Variants in PLK2 observed in about 807,000 individuals in gnomAD.
The protein encoded by PLK2 is polo like kinase 2.
Under a neutral mutation model 78.1 loss-of-function variants are expected in PLK2, and 25 were observed. The ratio of observed to expected loss-of-function variants is 0.32; its 90% CI spans 0.23 to 0.45. The LOEUF (loss-of-function observed/expected upper bound fraction) is 0.45. PLK2 is among the 20% of genes least tolerant of loss of function. The pLI, the probability that PLK2 is intolerant of heterozygous loss-of-function variation, is 1.00. For synonymous variants in PLK2, 332 were observed against 298.2 expected, an observed-to-expected ratio of 1.11 and a Z score of -1.17; for missense variants, 566 against 840.2, an observed-to-expected ratio of 0.67 and a Z score of 4.04.
intron 4 of PLK2, 75 bp from the exon 5 acceptor site, chr5:58,458,246 G>A: frequency 7.6e-7 from 1 of 1,309,884 alleles, no homozygotes; most frequent in Non-Finnish European, 1.1e-6. Context: ...ATCCACTTTG[G>A]AGCCAGGCAG....
In PLK2 at chr5:58,457,589, A is replaced by G. The variant is rs1236092570; in HGVS notation, c.714-6T>C. 2.0e-6 allele frequency: 3 copies of G among 1,536,312 alleles called. No homozygotes were observed. Among genetic ancestry groups the G allele is most frequent in the Non-Finnish European group, 1.8e-6 (2 of 1,109,308 alleles). ...TTGGGGTACCACATATCGTTCTGGA[A>G]AGACAAAATATTGAGATCGTGTTAG... On this transcript the variant is annotated splice_polypyrimidine_tract_variant and splice_region_variant and intron_variant, in intron 5 of 13. Transcript: ENST00000274289.
At chr5:58,454,797 T>G (rs772560208) in intron 13 of PLK2, 23 bp from the exon 14 acceptor site, 4 of 1,550,428 alleles carry the variant, frequency 2.6e-6, no homozygotes, top group Non-Finnish European at 3.5e-6. Context: ...ACATAGACAT[T>G]AGATCTCTCA....
chr5:58,454,394 A>G lies in PLK2; in HGVS notation c.*189T>C. The G allele has an allele frequency of 2.0e-6, 1 of 488,602 alleles. No individual in the cohort carries two copies. The highest frequency in any genetic ancestry group is 3.0e-5 in the East Asian group (1 of 33,732). The allele number at this position is 488,602 out of a possible 1,614,324, so 30.3% of individuals were successfully genotyped here. A position where few individuals can be genotyped will look rare whatever the true frequency, so the allele number is the denominator to read the frequency against. On this transcript the variant is annotated 3_prime_UTR_variant, in exon 14 of 14. Coordinates refer to ENST00000274289, the MANE Select transcript of PLK2 (RefSeq NM_006622.4). Reference sequence around the variant, plus strand: ...AAACTGCATTCTGGTTCACTCTTGGATTGTCCAAAGTCAAGAACTGTATGC... The same window carrying G: ...AAACTGCATTCTGGTTCACTCTTGGGTTGTCCAAAGTCAAGAACTGTATGC...
chr5:58,455,478 T>C, intron 11 of PLK2, 61 bp downstream of exon 11: 1 of 1,610,912 alleles, frequency 6.2e-7, no homozygotes, highest in Non-Finnish European at 8.5e-7. Flanking sequence ...AATCATTGTT[T>C]TTAGATTTCT....
At chr5:58,458,676 A>C in intron 3 of PLK2, 49 bp downstream of exon 3, 1 of 1,253,732 alleles carries the variant, frequency 8.0e-7, no homozygotes, top group Non-Finnish European at 1.2e-6. Flanking sequence ...TTTGAATACC[A>C]TGTTAATTCG....
intron 9 of PLK2, 163 bp from the exon 10 acceptor site, chr5:58,456,318 C>T (rs1372787640): frequency 2.6e-6 from 2 of 780,120 alleles, no homozygotes; most frequent in South Asian, 1.8e-5. Context: ...CTTGCATGCA[C>T]TGTAAAACTA....
Position 58,458,423 on chromosome 5 carries a change from T to C in PLK2, c.601A>G (p.Ile201Val), listed in dbSNP as rs1167358448. The change falls in exon 4 of 14, where the codon ATC becomes GTC. Residue 201 changes from isoleucine (I) to valine (V), a missense_variant. Ile to Val is a conservative substitution (Grantham distance 29, BLOSUM62 3). Transcript: ENST00000274289. ...CCTAGTTTGAGATCTCTGTGCAAGA[T>C]TTCTTGTTCATGAAGGTATTTCAGT... Reference protein sequence around the residue: ...SGLKYLHEQEILHRDLKLGNF... With the variant: ...SGLKYLHEQEVLHRDLKLGNF... The C allele has an allele frequency of 6.2e-7, 1 of 1,614,086 alleles. No individual in the cohort carries two copies. Among genetic ancestry groups the C allele is most frequent in the Non-Finnish European group, 8.5e-7 (1 of 1,179,920 alleles).
chr5:58,456,804 T>C (rs933189052), intron 8 of PLK2, 141 bp downstream of exon 8: 1 of 647,638 alleles, frequency 1.5e-6, no homozygotes, highest in African/African-American at 1.8e-5. Context: ...AAGGTATGGA[T>C]TTATTATGCT....
chr5:58,455,490 T>C, intron 11 of PLK2, 49 bp downstream of exon 11: 1 of 1,611,708 alleles, frequency 6.2e-7, no homozygotes, highest in African/African-American at 1.3e-5. Flanking sequence ...TAGATTTCTT[T>C]AGTGCAAGAC....
chr5:58,458,687 G>A, intron 3 of PLK2, 38 bp downstream of exon 3: 1 of 1,283,150 alleles, frequency 7.8e-7, no homozygotes, highest in African/African-American at 1.5e-5. Flanking sequence ...TGTTAATTCG[G>A]GGTAAGCAAA....
chr5:58,457,251 C>T lies in PLK2; in HGVS notation c.938G>A (p.Ser313Asn), dbSNP rs1462952719. The T allele has an allele frequency of 6.2e-7, 1 of 1,614,138 alleles. No individual in the cohort carries two copies. Among genetic ancestry groups the T allele is most frequent in the African/African-American group, 1.3e-5 (1 of 75,046 alleles). ...LLAPAKHLIA[S>N]MLSKNPEDRP... Reference sequence around the variant, plus strand: ...ATCCTCTGGGTTTTTGGACAACATACTAGCAATTAAGTGCTTGGCAGGAGC... The same window carrying T: ...ATCCTCTGGGTTTTTGGACAACATATTAGCAATTAAGTGCTTGGCAGGAGC... Residue 313 changes from serine to asparagine, a missense_variant, in exon 7 of 14, where the codon AGT becomes AAT. By Grantham distance (46) the Ser-to-Asn change is conservative. Transcript: ENST00000274289.
At chr5:58,457,691 T>A in intron 5 of PLK2, 108 bp from the exon 6 acceptor site, 1 of 679,412 alleles carries the variant, frequency 1.5e-6, no homozygotes, top group Non-Finnish European at 2.6e-6. Context: ...AATCTTAAAA[T>A]CTATACTGAA....
rs1387972791 is a variant in PLK2, at chr5:58,456,158, T to C, written c.1255-3A>G. The C allele has an allele frequency of 4.4e-6, 7 of 1,607,718 alleles. No homozygotes were observed. Among genetic ancestry groups the C allele is most frequent in the Non-Finnish European group, 5.9e-6 (7 of 1,178,328 alleles). On this transcript the variant is annotated splice_region_variant and splice_polypyrimidine_tract_variant and intron_variant, in intron 9 of 13. Transcript: ENST00000274289. Reference sequence around the variant, plus strand: ...GTGGTGGTAGGTGGCTGGAGCTCCTTAGAAGAGAGAAGATTTATGCAATGA... The same window carrying C: ...GTGGTGGTAGGTGGCTGGAGCTCCTCAGAAGAGAGAAGATTTATGCAATGA...
Position 58,458,908 on chromosome 5 carries a change from T to A in PLK2, c.379-67A>T, listed in dbSNP as rs73094323. ...CCTCGGAAAAGCCAGTGATTACACATGCAGAAGACATTTTCCTAACAGGGA... is the reference window on the plus strand; with the variant it reads ...CCTCGGAAAAGCCAGTGATTACACAAGCAGAAGACATTTTCCTAACAGGGA... On this transcript the variant is annotated intron_variant, in intron 2 of 13. Transcript: ENST00000274289. 1.7e-3 allele frequency: 2,207 copies of A among 1,299,878 alleles called. 31 individuals are homozygous for A. The African/African-American group carries it at 0.029, about 17-fold the overall frequency. The allele number at this position is 1,299,878 out of a possible 1,614,324, so 80.5% of individuals were successfully genotyped here.
intron 13 of PLK2, 64 bp from the exon 14 acceptor site, chr5:58,454,838 A>T: frequency 6.9e-7 from 1 of 1,457,682 alleles, no homozygotes; most frequent in Non-Finnish European, 9.6e-7. Flanking sequence ...AGTTCAGTCA[A>T]TCACTAAACT....
In PLK2 at chr5:58,458,481, T is replaced by C; in HGVS notation, c.543A>G (p.Glu181=). The change falls in exon 4 of 14, where the codon GAA becomes GAG. Residue 181 remains glutamate, a synonymous_variant. Coordinates refer to ENST00000274289, the MANE Select transcript of PLK2 (RefSeq NM_006622.4). ...CAATCTGCCTGAGGTAGTATCGAAC[T>C]TCTGGCTCTGTCAACACCTTTCTTG... ...LKARKVLTEP[E]VRYYLRQIVS... The C allele has an allele frequency of 6.2e-7, 1 of 1,612,516 alleles. No individual in the cohort carries two copies. Among genetic ancestry groups the C allele is most frequent in the South Asian group, 1.1e-5 (1 of 90,990 alleles).
In PLK2 at chr5:58,455,695, T is replaced by C. The variant is rs1432596656; in HGVS notation, c.1469A>G (p.Asp490Gly). 3.1e-6 allele frequency: 5 copies of C among 1,614,180 alleles called. No individual in the cohort carries two copies. Among genetic ancestry groups the C allele is most frequent in the Non-Finnish European group, 4.2e-6 (5 of 1,180,018 alleles). The change falls in exon 11 of 14, where the codon GAT (aspartate) becomes GGT (glycine). Residue 490 changes from aspartate to glycine, a missense_variant. By Grantham distance (94) the Asp-to-Gly change is moderately conservative. This residue lies in a region of PLK2 where 129 missense variants were observed against 156.0 expected (regional missense o/e 0.83). Transcript: ENST00000274289. ...RGCLENMPEA[D>G]CIPKEQLSTS... ...GCTCAGCTGCTCTTTGGGAATGCAA[T>C]CAGCTTCCGGCATGTTTTCCAGACA...
Position 58,454,431 on chromosome 5 carries a change from C to G in PLK2, c.*152G>C, listed in dbSNP as rs578235958. 1.3e-5 allele frequency: 8 copies of G among 604,098 alleles called. No homozygotes were observed. The East Asian group carries it at 1.9e-4, about 15-fold the overall frequency. 37.4% of individuals were successfully genotyped at this position (604,098 alleles called of 1,614,324 possible). On this transcript the variant is annotated 3_prime_UTR_variant, in exon 14 of 14. Coordinates refer to ENST00000274289, the MANE Select transcript of PLK2 (RefSeq NM_006622.4). ...CAAGAACTGTATGCCTTAGCCTGTT[C>G]TGGTTCCAACCAGTCCAGCAGGCCA...
At chr5:58,459,463 C>T (rs1436630158) in intron 1 of PLK2, 1 of 572,590 alleles carries the variant, frequency 1.7e-6, no homozygotes, top group Non-Finnish European at 3.1e-6. Context: ...ATGCATTTCT[C>T]TGGGCTGCGG....
Sources: allele counts gnomAD v4.1 joint callset, GRCh38; gene constraint gnomAD v4.1.1; regional missense constraint gnomAD v4.1.1; transcripts MANE v1.5; gene names NCBI Gene and HGNC (gene_info 2026-07-23, HGNC 2026-07-21).